RECQL5: variants seen among roughly 807,000 people sequenced by gnomAD.
The protein encoded by RECQL5 is ATP-dependent DNA helicase Q5.
In RECQL5, 88 loss-of-function variants were observed where a neutral mutation model predicts 103.4. The ratio of observed to expected loss-of-function variants is 0.85; its 90% confidence interval spans 0.72 to 1.02. The LOEUF (loss-of-function observed/expected upper bound fraction) is 1.02, where lower values mean the gene tolerates loss of function less well. Ranked by LOEUF, RECQL5 falls within the 50% of genes least tolerant of loss-of-function variation. The pLI is 0.00. For synonymous variants in RECQL5, 552 were observed against 507.9 expected (o/e 1.09, Z -1.17); for missense variants, 1,232 against 1,284.3 (o/e 0.96, Z 0.62).
intron 17 of RECQL5, 69 bp from the exon 18 acceptor site, chr17:75,628,511 G>C: frequency 3.2e-6 from 5 of 1,560,220 alleles, no homozygotes; most frequent in Non-Finnish European, 3.5e-6. Context: ...TCCTCCAGAA[G>C]ACTGGGTCCC....
At chr17:75,648,617 C>A (rs369024477) in intron 8 of RECQL5, among the ~76,000 whole-genome samples, 2 of 151,272 alleles carry the variant, frequency 1.3e-5, no homozygotes, top group East Asian at 3.9e-4. Context: ...TTGTGATCCA[C>A]CCGCCTCAGC....
chr17:75,649,171 G>C (rs2059525235), intron 8 of RECQL5: 1 of 152,184 alleles, frequency 6.6e-6, no homozygotes, highest in African/African-American at 2.4e-5. Flanking sequence ...GGAAACAACA[G>C]GGCCCAATTC....
Position 75,636,001 on chromosome 17 carries a change from C to T in RECQL5, c.1230-4333G>A, listed in dbSNP as rs2059314918. Among the ~76,000 whole-genome samples, 1 of 152,246 alleles carries T rather than the reference C, an allele frequency of 6.6e-6. No homozygotes were observed. The highest frequency in any genetic ancestry group is 2.4e-5 in the African/African-American group (1 of 41,468). On this transcript the variant is annotated intron_variant, in intron 8 of 19. Coordinates refer to ENST00000317905, the MANE Select transcript of RECQL5 (RefSeq NM_004259.7). The surrounding 1 kb of genome is among the most constrained non-coding windows in gnomAD (Gnocchi z 5.4). ...ACATAAAGGAATGCTTCCCATCCCT[C>T]CGGCTCTGCCAGCCTTCTCTGCCCT... is the stretch of plus-strand genomic sequence containing the variant.
rs1232861256 is a variant in RECQL5, at chr17:75,627,712, G to C, written c.2806-20C>G. The C allele has an allele frequency of 1.9e-6, 3 of 1,588,424 alleles. No homozygotes were observed. In the African/African-American group the frequency reaches 4.0e-5, roughly 21 times the overall value. The stretch of plus-strand genomic sequence containing the variant: ...CAACTCCTGGAAGGGAGAGGGAGAA[G>C]AGAAGCAGAGAGCAGGACCCTTGGT... On this transcript the variant is annotated intron_variant, in intron 18 of 19. Transcript: ENST00000317905.
At chr17:75,655,291 G>T (rs954597411) in intron 7 of RECQL5, among the ~76,000 whole-genome samples, 1 of 150,020 alleles carries the variant, frequency 6.7e-6, no homozygotes, top group Admixed American at 6.7e-5. Flanking sequence ...GGCTGGTCTC[G>T]AACTACTGGC....
chr17:75,659,952 A>G (rs934380187), intron 6 of RECQL5, among the ~76,000 whole-genome samples: 1 of 152,240 alleles, frequency 6.6e-6, no homozygotes, highest in Non-Finnish European at 1.5e-5. Context: ...TTAGTAAGCA[A>G]TAAAAAGGAA....
intron 7 of RECQL5, among the ~76,000 whole-genome samples, chr17:75,656,530 T>C (rs1312580156): frequency 6.7e-6 from 1 of 148,246 alleles, no homozygotes; most frequent in African/African-American, 2.4e-5. Flanking sequence ...TGATTTTTTT[T>C]TTCCTTGGCT....
chr17:75,628,032 A>T (rs983089557), intron 18 of RECQL5, among the ~76,000 whole-genome samples, 186 bp downstream of exon 18: 11 of 149,044 alleles, frequency 7.4e-5, no homozygotes, highest in African/African-American at 2.7e-4. Flanking sequence ...AGAGAGCAGG[A>T]CCCTGCCCTG....
At chr17:75,665,233 AAATTAAATGAG>A in intron 2 of RECQL5, 61 bp from the exon 3 acceptor site, 1 of 1,509,532 alleles carries the variant, frequency 6.6e-7, no homozygotes, top group Non-Finnish European at 9.1e-7. Flanking sequence ...AAGTTGTTGA[AAATTAAATGAG>A]AATGTAGGAA....
chr17:75,628,047 C>G (rs1324561950), intron 18 of RECQL5, among the ~76,000 whole-genome samples, 171 bp downstream of exon 18: 2 of 151,904 alleles, frequency 1.3e-5, no homozygotes, highest in Non-Finnish European at 2.9e-5. Flanking sequence ...GCCCTGACCC[C>G]CAGAGCAACC....
chr17:75,648,164 G>C (rs973994823), intron 8 of RECQL5, among the ~76,000 whole-genome samples: 14 of 151,522 alleles, frequency 9.2e-5, no homozygotes, highest in Non-Finnish European at 1.5e-5. Flanking sequence ...CCCACCACAG[G>C]GCCTTTGCAC....
At chr17:75,633,107 G>GC (rs912617458) in intron 8 of RECQL5, among the ~76,000 whole-genome samples, 7 of 152,340 alleles carry the variant, frequency 4.6e-5, no homozygotes, top group African/African-American at 4.8e-5. Context: ...GGGCGCTCCT[G>GC]CCCCCACTCT....
At chr17:75,642,246 T>A (rs1375879561) in intron 8 of RECQL5, among the ~76,000 whole-genome samples, 1 of 152,170 alleles carries the variant, frequency 6.6e-6, no homozygotes, top group African/African-American at 2.4e-5. Flanking sequence ...AGACAGAGCA[T>A]CCCGAGGTGC....
Position 75,661,603 on chromosome 17 carries a change from T to A in RECQL5, c.874+3A>T. On this transcript the variant is annotated splice_donor_region_variant and intron_variant, in intron 5 of 19. Transcript: ENST00000317905. The stretch of plus-strand genomic sequence containing the variant: ...AGACTCAAGTGGCCTGGGTGCCCCT[T>A]ACCTGCATGGTAAGCCTTGGCGTTC... 1 of 1,612,874 alleles carries A rather than the reference T, an allele frequency of 6.2e-7. No individual in the cohort carries two copies. Among genetic ancestry groups the A allele is most frequent in the Non-Finnish European group, 8.5e-7 (1 of 1,178,916 alleles).
In RECQL5 at chr17:75,645,565, T is replaced by C. The variant is rs114572563; in HGVS notation, c.1229+5621A>G. 7.4e-3 allele frequency among the ~76,000 whole-genome samples: 1,123 copies of C among 152,338 alleles called. 10 individuals are homozygous for C. Among genetic ancestry groups the C allele is most frequent in the African/African-American group, 0.026 (1,072 of 41,580 alleles). On this transcript the variant is annotated intron_variant, in intron 8 of 19. Transcript: ENST00000317905. ...TTGGGAACCAACACTTGACTCTTGA[T>C]AAGCATCTGACTTAACTGACGGAGC...
At chr17:75,653,578 A>AATACT (rs1321495611) in intron 7 of RECQL5, among the ~76,000 whole-genome samples, 2 of 152,156 alleles carry the variant, frequency 1.3e-5, no homozygotes, top group Non-Finnish European at 2.9e-5. Context: ...ATCCTTTTAA[A>AATACT]ATACTGTGAA....
At chr17:75,628,794 T>C (rs989847813) in intron 16 of RECQL5, 32 bp from the exon 17 acceptor site, 1 of 1,604,672 alleles carries the variant, frequency 6.2e-7, no homozygotes, top group African/African-American at 1.3e-5. Flanking sequence ...ATCACAGCAC[T>C]GGGTCCTGGT....
At chr17:75,650,896 T>A in intron 8 of RECQL5, 4 of 1,448,332 alleles carry the variant, frequency 2.8e-6, no homozygotes, top group Middle Eastern at 2.5e-4. Flanking sequence ...GCTGGTCACA[T>A]CCCTTGGAAC....
At position 75,629,741 on chromosome 17, in the gene RECQL5, C is replaced by A. The variant is rs754226222; in HGVS notation, c.1914G>T (p.Glu638Asp). 6.2e-7 allele frequency: 1 copy of A among 1,613,498 alleles called. No individual in the cohort carries two copies. The highest frequency in any genetic ancestry group is 1.1e-5 in the South Asian group (1 of 91,034). ...SAQAEPPEPN[E>D]YDIPPASHVY... ...CATGGGAGGCTGGTGGAATGTCATA[C>A]TCATTGGGCTCCGGGGGCTCAGCTT... is the stretch of plus-strand genomic sequence containing the variant. The change falls in exon 15 of 20, where the codon GAG becomes GAT. Residue 638 changes from glutamate (E) to aspartate (D), a missense_variant. Glu to Asp is a conservative substitution (Grantham distance 45). Transcript: ENST00000317905.
Sources: allele counts gnomAD v4.1 joint callset (sites outside exome capture counted in the v4.1 genomes callset), GRCh38; gene constraint gnomAD v4.1.1; non-coding constraint Gnocchi (gnomAD v3.1); transcripts MANE v1.5; gene names NCBI Gene and HGNC (gene_info 2026-07-23, HGNC 2026-07-21).